The following ATP11A variants were observed in gnomAD, a reference collection of about 807,000 sequenced individuals.
The protein encoded by ATP11A is ATPase phospholipid transporting 11A.
In ATP11A, 81 loss-of-function variants were observed where a neutral mutation model predicts 154.4. That is an observed-to-expected ratio of 0.52 (90% CI 0.44 to 0.63). The LOEUF is 0.63. ATP11A is among the 30% of genes least tolerant of loss of function. ATP11A has a pLI of 0.00. For missense variants in ATP11A, 1,316 were observed against 1,474.3 expected (o/e 0.89, Z 1.76); for synonymous variants, 623 against 585.9 (o/e 1.06, Z -0.91).
chr13:112,854,463 G>C lies in ATP11A; in HGVS notation c.2176G>C (p.Val726Leu), dbSNP rs528180336. The stretch of plus-strand genomic sequence containing the variant: ...GATCGAGGAGCAGAGCCTGCACGAC[G>C]TCCTGTTCGAGCTGAGCAAGACGGT... ...KRIEEQSLHD[V>L]LFELSKTVLR... Residue 726 changes from valine (V) to leucine (L), a missense_variant, in exon 19 of 30, where the codon GTC (valine) becomes CTC (leucine). Transcript: ENST00000375645. 3 of 1,612,536 alleles carry C rather than the reference G, an allele frequency of 1.9e-6. No homozygotes were observed. The highest frequency in any genetic ancestry group is 2.2e-5 in the East Asian group (1 of 44,876).
At chr13:112,851,400 C>A (rs1421493028) in intron 18 of ATP11A, 182 bp downstream of exon 18, 4 of 498,452 alleles carry the variant, frequency 8.0e-6, no homozygotes, top group African/African-American at 1.9e-5. Context: ...AAGGTCATGC[C>A]TGGGGGATAT....
chr13:112,740,905 C>T (rs1477935284), intron 1 of ATP11A, among the ~76,000 whole-genome samples: 3 of 152,184 alleles, frequency 2.0e-5, no homozygotes, highest in African/African-American at 7.2e-5. Flanking sequence ...CTGCGCTCAG[C>T]GTTATTCAGG....
chr13:112,873,898 C>T (rs114946674), intron 27 of ATP11A, among the ~76,000 whole-genome samples: 1,713 of 152,194 alleles, frequency 0.011, 33 homozygotes, highest in African/African-American at 0.038. Flanking sequence ...GGGAGAAAGA[C>T]GCTAACTGAT....
chr13:112,785,094 G>A lies in ATP11A; in HGVS notation c.40-41G>A. 1 of 1,415,252 alleles carries A rather than the reference G, an allele frequency of 7.1e-7. No homozygotes were observed. Among genetic ancestry groups the A allele is most frequent in the Non-Finnish European group, 9.3e-7 (1 of 1,076,146 alleles). The allele number at this position is 1,415,252 out of a possible 1,614,324, so 87.7% of individuals were successfully genotyped here. On this transcript the variant is annotated intron_variant, in intron 1 of 29. Coordinates refer to ENST00000375645, the MANE Select transcript of ATP11A (RefSeq NM_015205.3). This position sits in a 1 kb window ranked among gnomAD's most constrained non-coding sequence, Gnocchi z 4.8. ...ACTCTGGGCAAGAGCTTTTGATGCAGGTTCTGAGGCAGCTGCCTAACACCG... is the reference window on the plus strand; with the variant it reads ...ACTCTGGGCAAGAGCTTTTGATGCAAGTTCTGAGGCAGCTGCCTAACACCG...
At chr13:112,743,767 G>A (rs898791564) in intron 1 of ATP11A, among the ~76,000 whole-genome samples, 2 of 152,242 alleles carry the variant, frequency 1.3e-5, no homozygotes, top group Non-Finnish European at 2.9e-5. Context: ...AACCTATACA[G>A]CTTCAGGAAA....
intron 22 of ATP11A, 78 bp downstream of exon 22, chr13:112,858,368 T>G: frequency 6.9e-7 from 1 of 1,451,036 alleles, no homozygotes; most frequent in Non-Finnish European, 9.3e-7. Context: ...TCTGAGCCAC[T>G]TGATGCCACA....
At chr13:112,813,574 G>A (rs2078564059) in intron 5 of ATP11A, among the ~76,000 whole-genome samples, 1 of 152,214 alleles carries the variant, frequency 6.6e-6, no homozygotes, top group African/African-American at 2.4e-5. Flanking sequence ...GAATATTTGT[G>A]TGCAAGTTTT....
intron 13 of ATP11A, 52 bp downstream of exon 13, chr13:112,831,600 G>A (rs1007546670): frequency 1.2e-5 from 19 of 1,584,462 alleles, no homozygotes; most frequent in Non-Finnish European, 1.6e-5. Context: ...GGGCGGCTGT[G>A]CATGCTGAGT....
chr13:112,778,621 ACTGGAGTGAGTAGCCG>A lies in ATP11A; in HGVS notation c.40-6503_40-6488del, dbSNP rs1253877854. ...GTAGCCGCTGGTTTGAGGAGTAGCC[ACTGGAGTGAGTAGCCG>A]CTGGAGTGAGGAGTAGCCGCTGGAG... On this transcript the variant is annotated intron_variant, in intron 1 of 29. Coordinates refer to ENST00000375645, the MANE Select transcript of ATP11A (RefSeq NM_015205.3). Among the ~76,000 whole-genome samples the A allele has an allele frequency of 3.5e-5, 4 of 114,546 alleles. No individual in the cohort carries two copies. The East Asian group carries it at 9.9e-4, about 28-fold the overall frequency. The allele number at this position is 114,546 out of a possible 152,430, so 75.1% of individuals were successfully genotyped here.
chr13:112,808,455 T>C (rs1042530401), intron 4 of ATP11A, among the ~76,000 whole-genome samples: 5 of 152,034 alleles, frequency 3.3e-5, no homozygotes, highest in Non-Finnish European at 5.9e-5. Context: ...GGTCTGGACC[T>C]GTGTGTGCCA....
intron 1 of ATP11A, among the ~76,000 whole-genome samples, chr13:112,748,346 T>C (rs2139795109): frequency 6.6e-6 from 1 of 152,324 alleles, no homozygotes; most frequent in South Asian, 2.1e-4. Flanking sequence ...TGAGAAACAA[T>C]CATAAATATA....
chr13:112,853,209 G>A (rs574214986), intron 18 of ATP11A, among the ~76,000 whole-genome samples: 10 of 152,096 alleles, frequency 6.6e-5, no homozygotes, highest in African/African-American at 2.4e-4. Flanking sequence ...AACATAAGGC[G>A]TTCTCTCGTT....
intron 2 of ATP11A, among the ~76,000 whole-genome samples, chr13:112,787,730 CG>C (rs1384518020): frequency 4.8e-4 from 72 of 149,464 alleles, no homozygotes; most frequent in African/African-American, 1.6e-3. Context: ...TAATCCACAC[CG>C]GGTGTCCTGA....
chr13:112,751,350 CTT>C (rs2076686274), intron 1 of ATP11A, among the ~76,000 whole-genome samples: 1 of 152,026 alleles, frequency 6.6e-6, no homozygotes, highest in Admixed American at 6.5e-5. Flanking sequence ...TGTGAGAGCT[CTT>C]TTTATATTAA....
chr13:112,870,173 G>T (rs2080468933), intron 25 of ATP11A, among the ~76,000 whole-genome samples: 1 of 152,180 alleles, frequency 6.6e-6, no homozygotes, highest in African/African-American at 2.4e-5. Context: ...AAAACTGAAG[G>T]ATGTGTTGAT....
intron 29 of ATP11A, among the ~76,000 whole-genome samples, chr13:112,879,871 T>C (rs1269259126): frequency 6.6e-6 from 1 of 152,240 alleles, no homozygotes; most frequent in Non-Finnish European, 1.5e-5. Context: ...CAGATGTATA[T>C]GTTATATATG....
intron 22 of ATP11A, chr13:112,858,671 CTCAG>C (rs2080008754): frequency 5.7e-6 from 1 of 176,796 alleles, no homozygotes; most frequent in African/African-American, 2.4e-5. Context: ...CTACCTGCCC[CTCAG>C]TCACTCTGTA....
At position 112,858,192 on chromosome 13, in the gene ATP11A, G is replaced by T; in HGVS notation, c.2569G>T (p.Ala857Ser). 2 of 1,614,062 alleles carry T rather than the reference G, an allele frequency of 1.2e-6. No homozygotes were observed. The highest frequency in any genetic ancestry group is 1.7e-6 in the Non-Finnish European group (2 of 1,180,028). The change falls in exon 22 of 30, where the codon GCA (alanine) becomes TCA (serine). Residue 857 changes from alanine (A) to serine (S), a missense_variant. Around this residue, in one of 5 missense-constraint regions of ATP11A, gnomAD observed 876 missense variants for 1,006.8 expected, o/e 0.87. Coordinates refer to ENST00000375645, the MANE Select transcript of ATP11A (RefSeq NM_015205.3). ...GRQAARNSDY[A>S]IPKFKHLKKM... ...CCAGGCTGCCAGGAACAGCGACTAT[G>T]CAATCCCAAAGTTTAAGCATTTGAA... is the stretch of plus-strand genomic sequence containing the variant.
intron 17 of ATP11A, among the ~76,000 whole-genome samples, chr13:112,844,381 C>T (rs1386525889): frequency 2.6e-5 from 4 of 152,162 alleles, no homozygotes; most frequent in Admixed American, 6.5e-5. Context: ...ATTTAAAATG[C>T]GAGAGCAGCA....
Sources: gnomAD v4.1 joint callset for allele counts (sites outside exome capture counted in the v4.1 genomes callset) on GRCh38, gnomAD v4.1.1 for gene constraint, gnomAD v4.1.1 regional missense constraint, Gnocchi (gnomAD v3.1) non-coding constraint, MANE v1.5 for transcripts, NCBI Gene and HGNC (gene_info 2026-07-23, HGNC 2026-07-21) for gene names.